Variants in PRKCB observed in about 807,000 individuals in gnomAD.
PRKCB encodes the protein protein kinase C beta type.
In PRKCB, 13 loss-of-function variants were observed where a neutral mutation model predicts 81.5. The ratio of observed to expected loss-of-function variants is 0.16; its 90% confidence interval spans 0.10 to 0.25. PRKCB has a LOEUF of 0.25. PRKCB is among the 10% of genes least tolerant of loss of function. PRKCB has a pLI of 1.00. For missense variants in PRKCB, 509 were observed against 875.7 expected, an observed-to-expected ratio of 0.58 and a Z score of 5.29; for synonymous variants, 335 against 321.4, an observed-to-expected ratio of 1.04 and a Z score of -0.45.
chr16:23,841,547 A>G (rs1320095543), intron 2 of PRKCB, among the ~76,000 whole-genome samples: 5 of 151,566 alleles, frequency 3.3e-5, no homozygotes, highest in African/African-American at 1.2e-4. Flanking sequence ...GAGGGCAGTG[A>G]CATGATCATA....
At chr16:24,034,775 C>A (rs1367255866) in intron 4 of PRKCB, among the ~76,000 whole-genome samples, 4 of 152,102 alleles carry the variant, frequency 2.6e-5, no homozygotes, top group Non-Finnish European at 5.9e-5. Context: ...GGTGCCCAGC[C>A]CTCTTGTCTC....
At chr16:24,017,161 C>CG (rs1965290584) in intron 3 of PRKCB, among the ~76,000 whole-genome samples, 1 of 151,810 alleles carries the variant, frequency 6.6e-6, no homozygotes, top group South Asian at 2.1e-4. Flanking sequence ...TATGGTGCAA[C>CG]GGTGGGGAGA....
At position 24,185,580 on chromosome 16, in the gene PRKCB, C is replaced by G. The variant is rs1346165911; in HGVS notation, c.1722+13C>G. 2 of 1,602,808 alleles carry G rather than the reference C, an allele frequency of 1.2e-6. No individual in the cohort carries two copies. Among genetic ancestry groups the G allele is most frequent in the African/African-American group, 2.7e-5 (2 of 74,682 alleles). On this transcript the variant is annotated intron_variant, in intron 15 of 16. Coordinates refer to ENST00000643927, the MANE Select transcript of PRKCB (RefSeq NM_002738.7). ...CATCTGCAAAGGGGTAAGTGCATCT[C>G]TTAAAGCTGTGACCAGGACCACCAC... is the stretch of plus-strand genomic sequence containing the variant.
Position 23,866,725 on chromosome 16 carries a change from C to T in PRKCB, c.205+29319C>T, listed in dbSNP as rs146053908. Among the ~76,000 whole-genome samples, 376 of 152,278 alleles carry T rather than the reference C, an allele frequency of 2.5e-3. 2 individuals carry two copies. Among genetic ancestry groups the T allele is most frequent in the African/African-American group, 8.4e-3 (347 of 41,550 alleles). On this transcript the variant is annotated intron_variant, in intron 2 of 16. Coordinates refer to ENST00000643927, the MANE Select transcript of PRKCB (RefSeq NM_002738.7). ...TAATGGCTTAGCCCTGGGGTATACA[C>T]GATTCAGCTTTTAATAGGTTTTGCC...
chr16:23,865,863 T>C (rs926878139), intron 2 of PRKCB, among the ~76,000 whole-genome samples: 1 of 151,888 alleles, frequency 6.6e-6, no homozygotes. Context: ...GGGAGGCCTC[T>C]CTCTGGATGT....
Position 24,051,281 on chromosome 16 carries a change from A to G in PRKCB, c.529+15734A>G, listed in dbSNP as rs1340676790. Reference sequence around the variant, plus strand: ...TGAGAAGGAGCAGGTAGGGCGGGAAACCAGCCTTAGGGCTGGCTGGTTTGA... The same window carrying G: ...TGAGAAGGAGCAGGTAGGGCGGGAAGCCAGCCTTAGGGCTGGCTGGTTTGA... On this transcript the variant is annotated intron_variant, in intron 5 of 16. Transcript: ENST00000643927. 2.0e-5 allele frequency among the ~76,000 whole-genome samples: 3 copies of G among 152,240 alleles called. No homozygotes were observed. The East Asian group carries it at 5.8e-4, about 29-fold the overall frequency.
At chr16:24,203,453 A>C (rs1160088345) in intron 16 of PRKCB, among the ~76,000 whole-genome samples, 5 of 152,158 alleles carry the variant, frequency 3.3e-5, no homozygotes, top group Non-Finnish European at 7.3e-5. Flanking sequence ...CACAATAATA[A>C]CATCAATCCA....
intron 2 of PRKCB, among the ~76,000 whole-genome samples, chr16:23,899,045 T>A (rs1963424460): frequency 6.6e-6 from 1 of 152,192 alleles, no homozygotes; most frequent in South Asian, 2.1e-4. Flanking sequence ...TGAGAAAAAG[T>A]TCGTGTTGCA....
At chr16:24,078,474 C>T (rs900906746) in intron 5 of PRKCB, among the ~76,000 whole-genome samples, 1 of 152,186 alleles carries the variant, frequency 6.6e-6, no homozygotes, top group African/African-American at 2.4e-5. Flanking sequence ...AACCATCTGT[C>T]CTAGGCAGAC....
At chr16:24,180,070 G>A (rs198139) in intron 12 of PRKCB, among the ~76,000 whole-genome samples, 11,164 of 151,978 alleles carry the variant, frequency 0.073, 392 homozygotes, top group Middle Eastern at 0.088. Flanking sequence ...TCAGCTTCCC[G>A]AGTAGCTGGG....
At chr16:23,983,798 C>T (rs1596498576) in intron 2 of PRKCB, among the ~76,000 whole-genome samples, 1 of 152,062 alleles carries the variant, frequency 6.6e-6, no homozygotes, top group Non-Finnish European at 1.5e-5. Context: ...TCACTGCAGC[C>T]TCTGCCTCCC....
chr16:24,124,132 G>T (rs1218822860), intron 9 of PRKCB, 151 bp downstream of exon 9: 3 of 986,112 alleles, frequency 3.0e-6, no homozygotes, highest in Non-Finnish European at 3.0e-6. Context: ...TACCATGAAG[G>T]AAATGAATGG....
intron 2 of PRKCB, among the ~76,000 whole-genome samples, chr16:23,951,419 A>G (rs1421325790): frequency 6.6e-6 from 1 of 151,580 alleles, no homozygotes; most frequent in Non-Finnish European, 1.5e-5. Context: ...TACTTTGTCA[A>G]TTTTTCTAGT....
At chr16:23,983,789 C>G (rs951684321) in intron 2 of PRKCB, among the ~76,000 whole-genome samples, 2 of 151,904 alleles carry the variant, frequency 1.3e-5, no homozygotes, top group Non-Finnish European at 2.9e-5. Context: ...GATCTCGGCT[C>G]ACTGCAGCCT....
At chr16:23,952,125 A>T (rs977442832) in intron 2 of PRKCB, among the ~76,000 whole-genome samples, 1 of 152,114 alleles carries the variant, frequency 6.6e-6, no homozygotes, top group Admixed American at 6.5e-5. Context: ...TGAATGAGGG[A>T]ATGAATGAAA....
intron 2 of PRKCB, among the ~76,000 whole-genome samples, chr16:23,929,360 C>T (rs971894658): frequency 3.3e-5 from 5 of 152,078 alleles, no homozygotes; most frequent in African/African-American, 1.2e-4. Flanking sequence ...CGCATGAACT[C>T]TTGAACCAGA....
At chr16:23,965,925 A>C (rs1423997842) in intron 2 of PRKCB, among the ~76,000 whole-genome samples, 1 of 152,186 alleles carries the variant, frequency 6.6e-6, no homozygotes, top group African/African-American at 2.4e-5. Context: ...ACTTGAGTCC[A>C]AGTAGATCAG....
chr16:23,992,767 C>A (rs1159711752), intron 3 of PRKCB, among the ~76,000 whole-genome samples: 1 of 152,176 alleles, frequency 6.6e-6, no homozygotes, highest in African/African-American at 2.4e-5. Flanking sequence ...GACTCCCCAC[C>A]ACACAGGGTG....
intron 5 of PRKCB, among the ~76,000 whole-genome samples, chr16:24,061,910 T>A (rs11644007): frequency 0.098 from 9,163 of 93,308 alleles, 581 homozygotes; most frequent in East Asian, 0.23. Flanking sequence ...CTTAAATAAA[T>A]AAAAAAAAAA....
Sources: gnomAD v4.1 joint callset for allele counts (sites outside exome capture counted in the v4.1 genomes callset) on GRCh38, gnomAD v4.1.1 for gene constraint, MANE v1.5 for transcripts, NCBI Gene and HGNC (gene_info 2026-07-23, HGNC 2026-07-21) for gene names.